PPP3CC: variants seen among roughly 807,000 people sequenced by gnomAD.
The protein encoded by PPP3CC is serine/threonine-protein phosphatase 2B catalytic subunit gamma isoform.
Under a neutral mutation model 60.3 loss-of-function variants are expected in PPP3CC, and 35 were observed. The observed-to-expected ratio is 0.58, with a 90% CI of 0.44 to 0.77. The LOEUF is 0.77. PPP3CC is among the 30% of genes least tolerant of loss of function. The pLI, the probability that PPP3CC is intolerant of heterozygous loss-of-function variation, is 0.00. For missense variants in PPP3CC, 570 were observed against 628.9 expected (o/e 0.91, Z 1.00); for synonymous variants, 206 against 224.3 (o/e 0.92, Z 0.73).
chr8:22,470,938 A>G (rs1586806832), intron 1 of PPP3CC, among the ~76,000 whole-genome samples: 1 of 152,360 alleles, frequency 6.6e-6, no homozygotes, highest in Non-Finnish European at 1.5e-5. Flanking sequence ...AAGCACACAT[A>G]GAATTATATT....
At chr8:22,466,832 A>C (rs954910263) in intron 1 of PPP3CC, among the ~76,000 whole-genome samples, 2 of 151,964 alleles carry the variant, frequency 1.3e-5, no homozygotes, top group African/African-American at 4.8e-5. Flanking sequence ...GCCTCAACCT[A>C]TTGGGTTCCA....
At chr8:22,498,521 G>A (rs1838657741) in intron 4 of PPP3CC, among the ~76,000 whole-genome samples, 1 of 151,932 alleles carries the variant, frequency 6.6e-6, no homozygotes, top group Admixed American at 6.6e-5. Flanking sequence ...TTTGAAATAT[G>A]GTCTTCCATT....
chr8:22,478,144 C>T (rs1283081351), intron 3 of PPP3CC, among the ~76,000 whole-genome samples: 1 of 151,162 alleles, frequency 6.6e-6, no homozygotes, highest in East Asian at 2.0e-4. Flanking sequence ...GCCACTGCGC[C>T]TGGCAATAAA....
intron 4 of PPP3CC, among the ~76,000 whole-genome samples, chr8:22,510,319 A>G (rs1262344434): frequency 6.6e-6 from 1 of 152,196 alleles, no homozygotes; most frequent in East Asian, 1.9e-4. Flanking sequence ...GTTTAAGCCA[A>G]ATGTTTTTAG....
intron 6 of PPP3CC, 120 bp downstream of exon 6, chr8:22,513,552 G>A (rs1563764150): frequency 3.5e-5 from 40 of 1,134,716 alleles, no homozygotes; most frequent in Non-Finnish European, 4.5e-5. Flanking sequence ...TTAATTTTTC[G>A]ATTAATAGGA....
At chr8:22,523,341 T>G (rs77193028) in intron 8 of PPP3CC, among the ~76,000 whole-genome samples, 2,859 of 152,302 alleles carry the variant, frequency 0.019, 100 homozygotes, top group African/African-American at 0.065. Flanking sequence ...GAAATTTTAC[T>G]TCTAAGACTT....
intron 6 of PPP3CC, among the ~76,000 whole-genome samples, chr8:22,516,868 G>C (rs1383595848): frequency 6.6e-6 from 1 of 152,082 alleles, no homozygotes; most frequent in Non-Finnish European, 1.5e-5. Flanking sequence ...GCGAGTGTTA[G>C]ATATAAGCTT....
chr8:22,465,079 G>A (rs1300739163), intron 1 of PPP3CC, among the ~76,000 whole-genome samples: 1 of 149,432 alleles, frequency 6.7e-6, no homozygotes, highest in Non-Finnish European at 1.5e-5. Flanking sequence ...CACCTCAGCC[G>A]CCCAAGTAGC....
rs765591076 is a variant in PPP3CC, at chr8:22,513,462, G to T, written c.770+30G>T. The stretch of plus-strand genomic sequence containing the variant: ...GCTAGTCCTTGAGGTCGAAAATTAT[G>T]AAAGGAAACTGTAATTCATTTTATC... On this transcript the variant is annotated intron_variant, in intron 6 of 13. Transcript: ENST00000240139. 17 of 1,551,486 alleles carry T rather than the reference G, an allele frequency of 1.1e-5. No homozygotes were observed. The South Asian group carries it at 1.6e-4, about 15-fold the overall frequency.
chr8:22,448,591 C>A (rs1486139124), intron 1 of PPP3CC, among the ~76,000 whole-genome samples: 2 of 151,954 alleles, frequency 1.3e-5, no homozygotes, highest in Non-Finnish European at 2.9e-5. Context: ...ATTGGTCAGG[C>A]TGGTCTCGAG....
At chr8:22,505,700 G>T (rs1264042360) in intron 4 of PPP3CC, among the ~76,000 whole-genome samples, 1 of 152,118 alleles carries the variant, frequency 6.6e-6, no homozygotes, top group Non-Finnish European at 1.5e-5. Flanking sequence ...TGACATAGGA[G>T]CCGCTATAAG....
rs904100514 is a variant in PPP3CC at position 22,533,075 on chromosome 8, A to T, written c.1321+57A>T. Reference sequence around the variant, plus strand: ...GTGCTCCCGTTACCTAACAGTCAGCACACACTTACAAATGGGGGCTTTCCT... The same window carrying T: ...GTGCTCCCGTTACCTAACAGTCAGCTCACACTTACAAATGGGGGCTTTCCT... On this transcript the variant is annotated intron_variant, in intron 12 of 13. Coordinates refer to ENST00000240139, the MANE Select transcript of PPP3CC (RefSeq NM_005605.5). The T allele has an allele frequency of 6.1e-6, 8 of 1,300,956 alleles. No individual in the cohort carries two copies. In the African/African-American group the frequency reaches 1.2e-4, roughly 20 times the overall value. 80.6% of individuals were successfully genotyped at this position (1,300,956 alleles called of 1,614,324 possible).
intron 1 of PPP3CC, among the ~76,000 whole-genome samples, chr8:22,472,414 T>C (rs1181050968): frequency 3.8e-5 from 3 of 79,270 alleles, no homozygotes; most frequent in Non-Finnish European, 5.3e-5. Context: ...ACACTGAGCC[T>C]AGGTCTACAC....
intron 1 of PPP3CC, among the ~76,000 whole-genome samples, chr8:22,459,138 C>G (rs1311290902): frequency 6.6e-6 from 1 of 151,812 alleles, no homozygotes; most frequent in East Asian, 1.9e-4. Flanking sequence ...GCAGTCATAG[C>G]TCACTGCAGC....
chr8:22,529,750 G>T (rs1586869514), intron 10 of PPP3CC, among the ~76,000 whole-genome samples: 1 of 152,280 alleles, frequency 6.6e-6, no homozygotes, highest in Admixed American at 6.5e-5. Context: ...CTCCCAAAGA[G>T]CTGGGATTAA....
intron 4 of PPP3CC, among the ~76,000 whole-genome samples, chr8:22,505,519 C>T (rs2469758): frequency 0.43 from 65,922 of 151,846 alleles, 14,650 homozygotes; most frequent in East Asian, 0.6. Flanking sequence ...TGTGGTATAT[C>T]CATAAAGCGA....
In PPP3CC at chr8:22,451,380, C is replaced by T. The variant is rs1232033957; in HGVS notation, c.49+9922C>T. ...CAAACTTCTGACCTCAGGTGATCTG[C>T]CCTCCTCGGCCTCCCAAAGTGCTGG... On this transcript the variant is annotated intron_variant, in intron 1 of 13. Coordinates refer to ENST00000240139, the MANE Select transcript of PPP3CC (RefSeq NM_005605.5). 7.2e-5 allele frequency among the ~76,000 whole-genome samples: 11 copies of T among 152,268 alleles called. No individual in the cohort carries two copies. The East Asian group carries it at 1.7e-3, about 24-fold the overall frequency.
At position 22,498,107 on chromosome 8, in the gene PPP3CC, A is replaced by G; in HGVS notation, c.479A>G (p.Gln160Arg). The G allele has an allele frequency of 6.3e-7, 1 of 1,597,774 alleles. No homozygotes were observed. Among genetic ancestry groups the G allele is most frequent in the Non-Finnish European group, 8.6e-7 (1 of 1,165,588 alleles). ...CTTACAGACTATTTCACCTTCAAAC[A>G]GGAATGTAAGTATAATCACTCCTCT... Reference protein sequence around the residue: ...RHLTDYFTFKQECRIKYSEQV... With the variant: ...RHLTDYFTFKRECRIKYSEQV... The change falls in exon 4 of 14, where the codon CAG (glutamine) becomes CGG (arginine). Residue 160 changes from glutamine (Q) to arginine (R), a missense_variant. Physicochemically the swap from Gln to Arg is conservative, Grantham distance 43. Transcript: ENST00000240139.
intron 8 of PPP3CC, chr8:22,523,509 C>A: frequency 5.2e-6 from 1 of 193,490 alleles, no homozygotes; most frequent in South Asian, 7.2e-5. Flanking sequence ...TGAAAATAAA[C>A]ATGCCAGAAC....
Sources: allele counts gnomAD v4.1 joint callset (sites outside exome capture counted in the v4.1 genomes callset), GRCh38; gene constraint gnomAD v4.1.1; transcripts MANE v1.5; gene names NCBI Gene and HGNC (gene_info 2026-07-23, HGNC 2026-07-21).